TTN: variants seen among roughly 807,000 people sequenced by gnomAD.
TTN encodes titin, also known as connectin.
In TTN, 1,525 loss-of-function variants were observed where a neutral mutation model predicts 3,223.0. The observed-to-expected ratio is 0.47, with a 90% CI of 0.45 to 0.49. The LOEUF (loss-of-function observed/expected upper bound fraction) is 0.49. Ranked by LOEUF, TTN falls within the 20% of genes least tolerant of loss-of-function variation. The pLI is 0.00. For synonymous variants in TTN, 14,094 were observed against 15,161.0 expected (o/e 0.93, Z 5.17); for missense variants, 40,786 against 43,424.0 (o/e 0.94, Z 5.40).
chr2:178,706,010 G>C (rs1292945298), intron 102 of TTN, among the ~76,000 whole-genome samples: 1 of 152,116 alleles, frequency 6.6e-6, no homozygotes, highest in Non-Finnish European at 1.5e-5. Flanking sequence ...AATGAAACAA[G>C]AACACCCAGA....
intron 263 of TTN, 63 bp downstream of exon 263, chr2:178,613,688 A>C: frequency 1.3e-6 from 2 of 1,521,442 alleles, no homozygotes; most frequent in Admixed American, 1.9e-5. Context: ...CCCAAGGAAT[A>C]CTAAAGAGTA....
chr2:178,671,971 C>T lies in TTN; in HGVS notation c.35227G>A (p.Gly11743Arg). Residue 11743 changes from glycine (G) to arginine (R), a missense_variant and splice_region_variant, in exon 155 of 363, where the codon GGG (glycine) becomes AGG (arginine). Gly to Arg is a moderately radical substitution (Grantham distance 125). Coordinates refer to ENST00000589042, the MANE Select transcript of TTN (RefSeq NM_001267550.2). The part of the protein sequence containing the change: ...VFEKPKAPPK[G>R]PEISEKIIPP... ...GTAGTATTTGAAGAATTCCCTATAC[C>T]TTTAGGTGGAGCTTTTGGTTTTTCA... is the stretch of plus-strand genomic sequence containing the variant. The T allele has an allele frequency of 6.3e-7, 1 of 1,598,300 alleles. No individual in the cohort carries two copies.
chr2:178,593,896 A>G, intron 297 of TTN, 29 bp from the exon 298 acceptor site: 2 of 1,608,330 alleles, frequency 1.2e-6, no homozygotes, highest in Non-Finnish European at 1.7e-6. Context: ...ATGGCACAAA[A>G]TGTTATTGCC....
In TTN at chr2:178,561,648, T is replaced by C. The variant is rs775599688; in HGVS notation, c.84484A>G (p.Lys28162Glu). The change falls in exon 326 of 363, where the codon AAA becomes GAA. Residue 28162 changes from lysine to glutamate, a missense_variant. Coordinates refer to ENST00000589042, the MANE Select transcript of TTN (RefSeq NM_001267550.2). ...FSPPGPPGTP[K>E]VVHATKSTML... ...GTAGATTTTGTGGCATGCACAACTT[T>C]AGGAGTACCAGGAGGACCTGGGGGA... 1 of 1,609,672 alleles carries C rather than the reference T, an allele frequency of 6.2e-7. No homozygotes were observed. Among genetic ancestry groups the C allele is most frequent in the Non-Finnish European group, 8.5e-7 (1 of 1,177,564 alleles).
chr2:178,536,315 A>C lies in TTN; in HGVS notation c.100432T>G (p.Trp33478Gly), dbSNP rs372304158. The C allele has an allele frequency of 3.0e-4, 490 of 1,613,594 alleles. No individual in the cohort carries two copies. Among genetic ancestry groups the C allele is most frequent in the Non-Finnish European group, 3.9e-4 (459 of 1,179,766 alleles). Reference sequence around the variant, plus strand: ...GTGATGGGTTCTGATATTTCACTCCATTCACTTTCCCCACCTAGATTTTCA... The same window carrying C: ...GTGATGGGTTCTGATATTTCACTCCCTTCACTTTCCCCACCTAGATTTTCA... ...KCENLGGESEWSEISEPITPK... is the reference protein window; with the variant it reads ...KCENLGGESEGSEISEPITPK... Residue 33478 changes from tryptophan to glycine, a missense_variant, in exon 357 of 363, where the codon TGG (tryptophan) becomes GGG (glycine). Transcript: ENST00000589042.
intron 226 of TTN, 84 bp downstream of exon 226, chr2:178,635,879 T>C: frequency 2.0e-6 from 3 of 1,527,488 alleles, no homozygotes; most frequent in Non-Finnish European, 2.6e-6. Context: ...ATTTCTGATA[T>C]TGTAATACTG....
chr2:178,530,520 A>G lies in TTN; in HGVS notation c.106095T>C (p.Gly35365=). Residue 35365 remains glycine, a synonymous_variant, in exon 358 of 363, where the codon GGT becomes GGC. Transcript: ENST00000589042. ...GEYVCEISGE[G]GTSKTNLQFM... is the part of the protein sequence containing the mutation. ...ATTGTAAGTTGGTTTTAGACGTTCC[A>G]CCTTCACCAGAAATCTCACAAACAT... 6.2e-7 allele frequency: 1 copy of G among 1,613,974 alleles called. No homozygotes were observed. Among genetic ancestry groups the G allele is most frequent in the Non-Finnish European group, 8.5e-7 (1 of 1,179,888 alleles).
At position 178,614,942 on chromosome 2, in the gene TTN, C is replaced by T. The variant is rs762011828; in HGVS notation, c.48665G>A (p.Gly16222Asp). 3.8e-6 allele frequency: 6 copies of T among 1,597,052 alleles called. No individual in the cohort carries two copies. The Admixed American group carries it at 1.0e-4, about 28-fold the overall frequency. ...CTTCACGCGGTAGGCATACCATTTG[C>T]CTTCCTCAAGACCTGTCACTTCCAT... ...TKMEVTGLEE[G>D]KWYAYRVKAL... is the part of the protein sequence containing the mutation. Residue 16222 changes from glycine (G) to aspartate (D), a missense_variant, in exon 260 of 363, where the codon GGC (glycine) becomes GAC (aspartate). Transcript: ENST00000589042.
At chr2:178,747,099 C>T in intron 47 of TTN, 1 of 1,610,106 alleles carries the variant, frequency 6.2e-7, no homozygotes, top group Non-Finnish European at 8.5e-7. Flanking sequence ...TCTAGAGTCT[C>T]TCCTGGGGGT....
At chr2:178,665,253 A>T (rs1439807551) in intron 165 of TTN, 124 bp downstream of exon 165, 1 of 982,028 alleles carries the variant, frequency 1.0e-6, no homozygotes, top group East Asian at 2.5e-5. Context: ...GTGGAACCTC[A>T]GACACTTAAA....
rs2079253032 is a variant in TTN at position 178,725,870 on chromosome 2, T to C, written c.20452A>G (p.Ile6818Val). Reference protein sequence around the residue: ...KIASKNFHTSIHILNVDTSDI... With the variant: ...KIASKNFHTSVHILNVDTSDI... ...GAAGTGTCCACATTGAGAATGTGAATACTTGTGTGGAAGTTTTTGGATGCA... is the reference window on the plus strand; with the variant it reads ...GAAGTGTCCACATTGAGAATGTGAACACTTGTGTGGAAGTTTTTGGATGCA... The change falls in exon 70 of 363, where the codon ATT (isoleucine) becomes GTT (valine). Residue 6818 changes from isoleucine to valine, a missense_variant. By Grantham distance (29) the Ile-to-Val change is conservative. Transcript: ENST00000589042. 3.1e-6 allele frequency: 5 copies of C among 1,613,334 alleles called. No individual in the cohort carries two copies. The East Asian group carries it at 1.1e-4, about 36-fold the overall frequency.
chr2:178,554,667 A>G lies in TTN; in HGVS notation c.88680T>C (p.Asp29560=). 1 of 1,613,950 alleles carries G rather than the reference A, an allele frequency of 6.2e-7. No homozygotes were observed. The highest frequency in any genetic ancestry group is 8.5e-7 in the Non-Finnish European group (1 of 1,179,852). Residue 29560 remains aspartate (D), a synonymous_variant, in exon 332 of 363, where the codon GAT becomes GAC. Coordinates refer to ENST00000589042, the MANE Select transcript of TTN (RefSeq NM_001267550.2). ...AGTGAGTGATTTTTGCACCACCATC[A>G]TCAGCTGGAGGCCGCCAGAGAAGGG... The part of the protein sequence containing the change: ...KITLLWRPPA[D]DGGAKITHYI...
rs1297041151 is a variant in TTN at position 178,567,746 on chromosome 2, T to C, written c.78386A>G (p.Asp26129Gly). Residue 26129 changes from aspartate to glycine, a missense_variant, in exon 326 of 363, where the codon GAT becomes GGT. Coordinates refer to ENST00000589042, the MANE Select transcript of TTN (RefSeq NM_001267550.2). ...MITGYIVEKR[D>G]LPDGRWMKAS... ...TTTCATCCAACGACCATCAGGCAAATCACGTTTCTCTACAATGTAGCCTGT... is the reference window on the plus strand; with the variant it reads ...TTTCATCCAACGACCATCAGGCAAACCACGTTTCTCTACAATGTAGCCTGT... 1 of 1,612,842 alleles carries C rather than the reference T, an allele frequency of 6.2e-7. No homozygotes were observed. Among genetic ancestry groups the C allele is most frequent in the Non-Finnish European group, 8.5e-7 (1 of 1,179,182 alleles).
chr2:178,685,158 G>A, intron 129 of TTN, 95 bp downstream of exon 129: 1 of 1,235,730 alleles, frequency 8.1e-7, no homozygotes, highest in Non-Finnish European at 1.1e-6. Flanking sequence ...AGACAGTTAT[G>A]CAAATTGTTA....
At position 178,677,627 on chromosome 2, in the gene TTN, C is replaced by A. The variant is rs1267423444; in HGVS notation, c.34285G>T (p.Ala11429Ser). Reference sequence around the variant, plus strand: ...CCAAGAAGAGCTGCTATACCTGGTGCAGGTACTGGCACCTTAGGTTTAACT... The same window carrying A: ...CCAAGAAGAGCTGCTATACCTGGTGAAGGTACTGGCACCTTAGGTTTAACT... ...PEVKPKVPVPAPVPEVPKKPV... is the reference protein window; with the variant it reads ...PEVKPKVPVPSPVPEVPKKPV... The change falls in exon 146 of 363, where the codon GCA becomes TCA. Residue 11429 changes from alanine to serine, a missense_variant. Transcript: ENST00000589042. The A allele has an allele frequency of 6.2e-7, 1 of 1,609,892 alleles. No homozygotes were observed. The highest frequency in any genetic ancestry group is 2.2e-5 in the East Asian group (1 of 44,806).
rs757038289 is a variant in TTN at position 178,795,304 on chromosome 2, G to A, written c.915-52C>T. 3 of 1,554,716 alleles carry A rather than the reference G, an allele frequency of 1.9e-6. No individual in the cohort carries two copies. The South Asian group carries it at 3.3e-5, about 17-fold the overall frequency. On this transcript the variant is annotated intron_variant, in intron 6 of 362. Coordinates refer to ENST00000589042, the MANE Select transcript of TTN (RefSeq NM_001267550.2). ...AATGTCAAAGCAAGGAGGGGTAACT[G>A]GATGTGAATCATGAGATGAAAAGCT...
Position 178,665,864 on chromosome 2 carries a change from A to G in TTN, c.35876-73T>C, listed in dbSNP as rs1577135860. ...AAGAGTTCCCATCTTAACTGCACAT[A>G]CAGAACATTCCAGATGGGAACCTTC... On this transcript the variant is annotated intron_variant, in intron 163 of 362. Coordinates refer to ENST00000589042, the MANE Select transcript of TTN (RefSeq NM_001267550.2). The G allele has an allele frequency of 5.6e-5, 40 of 710,162 alleles. No individual in the cohort carries two copies. In the East Asian group the frequency reaches 1.3e-3, roughly 24 times the overall value. 44.0% of individuals were successfully genotyped at this position (710,162 alleles called of 1,614,324 possible).
At position 178,704,522 on chromosome 2, in the gene TTN, G is replaced by A. The variant is rs765561226; in HGVS notation, c.29950C>T (p.Leu9984=). The change falls in exon 105 of 363, where the codon CTA becomes TTA. Residue 9984 remains leucine, a synonymous_variant. Transcript: ENST00000589042. ...TTTTCTAACTTACCAATTACAGTTAGTTTAGCGCTAGCGATGTGTGGACCA... is the reference window on the plus strand; with the variant it reads ...TTTTCTAACTTACCAATTACAGTTAATTTAGCGCTAGCGATGTGTGGACCA... The part of the protein sequence containing the change: ...VCGPHIASAK[L]TVIEPAWERH... 20 of 1,608,532 alleles carry A rather than the reference G, an allele frequency of 1.2e-5. No homozygotes were observed. In the South Asian group the frequency reaches 2.0e-4, roughly 16 times the overall value.
chr2:178,777,182 T>A lies in TTN; in HGVS notation c.4781A>T (p.Asp1594Val), dbSNP rs1024757348. Reference sequence around the variant, plus strand: ...GGGATATTTATGAGGCACAATGATGTCACTGTTTTTCAACCATACAATGTC... The same window carrying A: ...GGGATATTTATGAGGCACAATGATGACACTGTTTTTCAACCATACAATGTC... ...NPDIVWLKNS[D>V]IIVPHKYPKI... is the part of the protein sequence containing the mutation. The change falls in exon 27 of 363, where the codon GAC (aspartate) becomes GTC (valine). Residue 1594 changes from aspartate to valine, a missense_variant. Transcript: ENST00000589042. 8.7e-6 allele frequency: 14 copies of A among 1,614,132 alleles called. No homozygotes were observed. Among genetic ancestry groups the A allele is most frequent in the Non-Finnish European group, 1.2e-5 (14 of 1,179,976 alleles).
Sources: allele counts gnomAD v4.1 joint callset (sites outside exome capture counted in the v4.1 genomes callset), GRCh38; gene constraint gnomAD v4.1.1; transcripts MANE v1.5; gene names NCBI Gene and HGNC (gene_info 2026-07-23, HGNC 2026-07-21).